The following SLF1 variants were observed in gnomAD, a reference collection of about 807,000 sequenced individuals.
SLF1 encodes the protein SMC5-SMC6 complex localization factor protein 1.
SLF1 carries 105 observed loss-of-function variants against 123.0 expected under a neutral mutation model. The observed-to-expected ratio is 0.85, with a 90% CI of 0.73 to 1.00. The LOEUF (loss-of-function observed/expected upper bound fraction) is 1.00. Ranked by LOEUF, SLF1 falls within the 50% of genes least tolerant of loss-of-function variation. The pLI, the probability that SLF1 is intolerant of heterozygous loss-of-function variation, is 0.00. For synonymous variants in SLF1, 434 were observed against 406.6 expected, an observed-to-expected ratio of 1.07 and a Z score of -0.81; for missense variants, 1,239 against 1,223.0, an observed-to-expected ratio of 1.01 and a Z score of -0.20.
Position 94,630,590 on chromosome 5 carries a change from A to T in SLF1, c.278A>T (p.Lys93Ile). ...LDETTYEWGY[K>I]IEKDSRYSPQ... ...GAAACAACTTATGAATGGGGATATA[A>T]AATTGAAAAAGATTCCCGTTATTCA... Residue 93 changes from lysine to isoleucine, a missense_variant, in exon 4 of 21, where the codon AAA (lysine) becomes ATA (isoleucine). Coordinates refer to ENST00000265140, the MANE Select transcript of SLF1 (RefSeq NM_032290.4). The T allele has an allele frequency of 6.4e-7, 1 of 1,551,686 alleles. No individual in the cohort carries two copies. Among genetic ancestry groups the T allele is most frequent in the Non-Finnish European group, 8.7e-7 (1 of 1,146,988 alleles).
intron 8 of SLF1, among the ~76,000 whole-genome samples, chr5:94,654,204 A>G (rs1191557208): frequency 6.6e-6 from 1 of 152,030 alleles, no homozygotes; most frequent in Non-Finnish European, 1.5e-5. Context: ...AATAAATGCC[A>G]TATTATGTAT....
intron 1 of SLF1, among the ~76,000 whole-genome samples, chr5:94,623,526 G>C (rs997502375): frequency 5.4e-5 from 8 of 149,524 alleles, no homozygotes; most frequent in African/African-American, 2.0e-4. Context: ...AGTATCTTCT[G>C]TATGAATGCT....
chr5:94,683,891 C>T (rs1752095557), intron 15 of SLF1, among the ~76,000 whole-genome samples: 2 of 152,200 alleles, frequency 1.3e-5, no homozygotes, highest in Admixed American at 6.5e-5. Context: ...AATGTTTACT[C>T]TGTACAGATT....
At position 94,692,205 on chromosome 5, in the gene SLF1, G is replaced by A. The variant is rs1367957184; in HGVS notation, c.2644G>A (p.Ala882Thr). ...QVDGVTPLHD[A>T]LSNGHVEIGK... ...GGACGGGGTGACTCCTTTGCATGAT[G>A]CACTGTCAAACGGACATGTAGAAAT... The change falls in exon 20 of 21, where the codon GCA becomes ACA. Residue 882 changes from alanine to threonine, a missense_variant. Transcript: ENST00000265140. 9 of 1,613,712 alleles carry A rather than the reference G, an allele frequency of 5.6e-6. No homozygotes were observed. Among genetic ancestry groups the A allele is most frequent in the Non-Finnish European group, 7.6e-6 (9 of 1,179,818 alleles).
At chr5:94,658,726 T>C (rs567336852) in intron 9 of SLF1, among the ~76,000 whole-genome samples, 1 of 152,360 alleles carries the variant, frequency 6.6e-6, no homozygotes, top group South Asian at 2.1e-4. Context: ...ATAGGTTTTC[T>C]ATGCCTTTGC....
At chr5:94,672,172 C>T (rs953370140) in intron 14 of SLF1, among the ~76,000 whole-genome samples, 1 of 152,050 alleles carries the variant, frequency 6.6e-6, no homozygotes, top group African/African-American at 2.4e-5. Context: ...TTATTCATAA[C>T]TGATATATCA....
intron 7 of SLF1, 69 bp from the exon 8 acceptor site, chr5:94,653,201 CTT>C (rs1663442339): frequency 2.9e-6 from 4 of 1,360,354 alleles, no homozygotes; most frequent in East Asian, 2.7e-5. Context: ...GAAAGTCACT[CTT>C]GAGTTTATTT....
chr5:94,695,439 A>G lies in SLF1; in HGVS notation c.*127A>G, dbSNP rs1753458744. The G allele has an allele frequency of 8.5e-7, 1 of 1,173,736 alleles. No homozygotes were observed. The highest frequency in any genetic ancestry group is 2.7e-5 in the East Asian group (1 of 36,720). The allele number at this position is 1,173,736 out of a possible 1,614,324, so 72.7% of individuals were successfully genotyped here. On this transcript the variant is annotated 3_prime_UTR_variant, in exon 21 of 21. Transcript: ENST00000265140. ...TATTGACAGACTTTGCAGCCTTGCT[A>G]AATTTTAAAAGCATTTTTAAAAAAA...
In SLF1 at chr5:94,628,916, A is replaced by G; in HGVS notation, c.106A>G (p.Lys36Glu). ...TTTAAAACTAGATTGCACTTTTATT[A>G]AGAGTGAGGTAAGAAACTTATCAAA... ...LLLKLDCTFI[K>E]SEKYKNCTHL... The change falls in exon 2 of 21, where the codon AAG (lysine) becomes GAG (glutamate). Residue 36 changes from lysine (K) to glutamate (E), a missense_variant. Transcript: ENST00000265140. 1 of 1,539,600 alleles carries G rather than the reference A, an allele frequency of 6.5e-7. No individual in the cohort carries two copies. The highest frequency in any genetic ancestry group is 8.8e-7 in the Non-Finnish European group (1 of 1,140,428).
chr5:94,636,710 A>ATTTTTTTTTTTTTTTTTTTTTTTTT (rs140191160), intron 4 of SLF1, among the ~76,000 whole-genome samples: 17 of 75,476 alleles, frequency 2.3e-4, no homozygotes, highest in Non-Finnish European at 2.8e-4. Flanking sequence ...TATTTTACTG[A>ATTTTTTTTTTTTTTTTTTTTTTTTT]TTTTTTTTTT....
intron 14 of SLF1, among the ~76,000 whole-genome samples, chr5:94,677,431 A>G (rs1433141108): frequency 6.6e-6 from 1 of 152,160 alleles, no homozygotes; most frequent in Admixed American, 6.5e-5. Flanking sequence ...TCTATTAGTT[A>G]TAGACCAGGT....
intron 4 of SLF1, 70 bp downstream of exon 4, chr5:94,630,813 T>C: frequency 2.0e-6 from 3 of 1,477,466 alleles, no homozygotes; most frequent in Non-Finnish European, 2.7e-6. Flanking sequence ...GAGTACTTTC[T>C]GTATTTTTTT....
chr5:94,686,916 T>C (rs1458909145), intron 16 of SLF1, among the ~76,000 whole-genome samples, 198 bp downstream of exon 16: 1 of 152,080 alleles, frequency 6.6e-6, no homozygotes, highest in Non-Finnish European at 1.5e-5. Context: ...GCCTCCCGAG[T>C]AGCTGGGCTA....
intron 4 of SLF1, among the ~76,000 whole-genome samples, chr5:94,638,522 A>C (rs1746072304): frequency 6.6e-6 from 1 of 152,140 alleles, no homozygotes; most frequent in Admixed American, 6.5e-5. Context: ...TAGCTGTGCC[A>C]TTACCCCTTG....
chr5:94,650,234 T>G (rs1013761317), intron 6 of SLF1, among the ~76,000 whole-genome samples: 2 of 152,190 alleles, frequency 1.3e-5, no homozygotes, highest in Non-Finnish European at 2.9e-5. Context: ...ATTTATCAAA[T>G]TATTAAGTTG....
intron 1 of SLF1, among the ~76,000 whole-genome samples, chr5:94,620,925 A>G (rs1436791669): frequency 6.6e-6 from 1 of 152,184 alleles, no homozygotes; most frequent in Non-Finnish European, 1.5e-5. Flanking sequence ...TCTCATATGA[A>G]TCACTCTAAT....
intron 4 of SLF1, among the ~76,000 whole-genome samples, chr5:94,635,657 G>A (rs892355770): frequency 2.6e-5 from 4 of 151,746 alleles, no homozygotes; most frequent in African/African-American, 9.7e-5. Context: ...CTTAGACTAT[G>A]TCAAACTGAT....
In SLF1 at chr5:94,652,580, GCTT is replaced by G. The variant is rs1452108313; in HGVS notation, c.883-688_883-686del. On this transcript the variant is annotated intron_variant, in intron 7 of 20. Coordinates refer to ENST00000265140, the MANE Select transcript of SLF1 (RefSeq NM_032290.4). The stretch of plus-strand genomic sequence containing the variant: ...CATTTTACTGTTGATAAGCCTTTGG[GCTT>G]CTTTTTATTGGTTTATGTGTTTGAT... Among the ~76,000 whole-genome samples, 8 of 152,114 alleles carry G rather than the reference GCTT, an allele frequency of 5.3e-5. No homozygotes were observed. In the South Asian group the frequency reaches 1.7e-3, roughly 32 times the overall value.
chr5:94,639,228 C>T (rs1208260819), intron 4 of SLF1, among the ~76,000 whole-genome samples: 10 of 151,874 alleles, frequency 6.6e-5, no homozygotes, highest in South Asian at 2.1e-4. Context: ...TTATTAGAAA[C>T]GGGGTTTCAC....
Sources: gnomAD v4.1 joint callset for allele counts (sites outside exome capture counted in the v4.1 genomes callset) on GRCh38, gnomAD v4.1.1 for gene constraint, MANE v1.5 for transcripts, NCBI Gene and HGNC (gene_info 2026-07-23, HGNC 2026-07-21) for gene names.